Variants in NCALD observed in about 807,000 individuals in gnomAD.
NCALD encodes the protein neurocalcin delta, also known as neurocalcin-delta.
A neutral mutation model predicts 18.6 loss-of-function variants in NCALD; 10 were observed. The observed-to-expected ratio is 0.54, with a 90% CI of 0.33 to 0.91. NCALD has a LOEUF of 0.91. Ranked by LOEUF, NCALD falls within the 40% of genes least tolerant of loss-of-function variation. NCALD has a pLI of 0.03. For missense variants in NCALD, 184 were observed against 247.6 expected (o/e 0.74, Z 1.72); for synonymous variants, 88 against 87.4 (o/e 1.01, Z -0.04).
intron 2 of NCALD, among the ~76,000 whole-genome samples, chr8:102,017,384 T>C (rs1822121638): frequency 6.6e-6 from 1 of 152,220 alleles, no homozygotes; most frequent in Admixed American, 6.5e-5. Flanking sequence ...CTTTGCATCC[T>C]TCATTTTAGC....
intron 1 of NCALD, among the ~76,000 whole-genome samples, chr8:101,774,583 A>G (rs1811714785): frequency 6.6e-6 from 1 of 152,264 alleles, no homozygotes; most frequent in East Asian, 1.9e-4. Context: ...AGCAAAAGAA[A>G]GAGACATATT....
intron 4 of NCALD, among the ~76,000 whole-genome samples, chr8:101,829,974 G>GTT (rs35295834): frequency 0.11 from 12,640 of 115,936 alleles, 890 homozygotes; most frequent in African/African-American, 0.18. Context: ...AGTCACATGG[G>GTT]TTTTTTTTTT....
At chr8:102,045,440 T>C (rs1177958804) in intron 1 of NCALD, among the ~76,000 whole-genome samples, 1 of 152,236 alleles carries the variant, frequency 6.6e-6, no homozygotes, top group Non-Finnish European at 1.5e-5. Context: ...TTACATTTTA[T>C]TCTTTATTAC....
chr8:101,766,069 C>G (rs925630155), intron 1 of NCALD, among the ~76,000 whole-genome samples: 3 of 152,162 alleles, frequency 2.0e-5, no homozygotes, highest in Non-Finnish European at 4.4e-5. Context: ...CGCAACCCAC[C>G]AACATCTCCT....
At chr8:101,888,626 A>G (rs1487978103) in intron 3 of NCALD, among the ~76,000 whole-genome samples, 3 of 151,778 alleles carry the variant, frequency 2.0e-5, no homozygotes, top group Non-Finnish European at 4.4e-5. Flanking sequence ...TATGTTGCCC[A>G]GGCTGGTCTC....
intron 2 of NCALD, among the ~76,000 whole-genome samples, chr8:101,919,865 T>A (rs1469146303): frequency 6.6e-6 from 1 of 152,146 alleles, no homozygotes; most frequent in Non-Finnish European, 1.5e-5. Flanking sequence ...TGGCTATTAT[T>A]AAGAAGTCAA....
chr8:102,025,589 C>A (rs1177451099), intron 1 of NCALD, among the ~76,000 whole-genome samples: 1 of 152,200 alleles, frequency 6.6e-6, no homozygotes, highest in African/African-American at 2.4e-5. Context: ...AAGTCCACTG[C>A]CTCCCTTGCA....
At chr8:101,840,966 AATTT>A (rs1814620949) in intron 4 of NCALD, among the ~76,000 whole-genome samples, 2 of 152,214 alleles carry the variant, frequency 1.3e-5, no homozygotes, top group Non-Finnish European at 2.9e-5. Flanking sequence ...AAAAAGCTTT[AATTT>A]AACACGGTGA....
upstream of NCALD, among the ~76,000 whole-genome samples, chr8:101,792,234 C>G (rs372981561): frequency 6.6e-6 from 1 of 152,046 alleles, no homozygotes; most frequent in South Asian, 2.1e-4. Context: ...TAAATGGAAC[C>G]TAAGTCAGCC....
At chr8:102,030,520 G>C (rs114716498) in intron 1 of NCALD, among the ~76,000 whole-genome samples, 220 of 152,298 alleles carry the variant, frequency 1.4e-3, no homozygotes, top group African/African-American at 5.1e-3. Flanking sequence ...ATTTTGAAAC[G>C]TGGTCGATAA....
chr8:101,868,593 A>G (rs568696319), intron 4 of NCALD, among the ~76,000 whole-genome samples: 1 of 152,266 alleles, frequency 6.6e-6, no homozygotes, highest in East Asian at 1.9e-4. Flanking sequence ...TTTGCATAGG[A>G]GCATAATTTT....
intron 2 of NCALD, among the ~76,000 whole-genome samples, chr8:101,916,160 G>A (rs924570819): frequency 2.6e-5 from 4 of 152,020 alleles, no homozygotes; most frequent in Non-Finnish European, 5.9e-5. Flanking sequence ...GTTAAGTGAA[G>A]GAATACTCAA....
intron 2 of NCALD, among the ~76,000 whole-genome samples, chr8:102,005,062 G>A (rs552642050): frequency 2.7e-4 from 41 of 152,304 alleles, no homozygotes; most frequent in African/African-American, 8.9e-4. Context: ...CTTCTGCACA[G>A]CCAAAGAAAT....
intron 1 of NCALD, among the ~76,000 whole-genome samples, chr8:102,089,398 GA>G (rs575186551): frequency 1.1e-3 from 138 of 124,562 alleles, no homozygotes; most frequent in Middle Eastern, 4.0e-3. Context: ...AGTCTCAAAG[GA>G]AAAAAAAAAA....
At chr8:101,993,528 G>A (rs929209617) in intron 2 of NCALD, among the ~76,000 whole-genome samples, 1 of 152,188 alleles carries the variant, frequency 6.6e-6, no homozygotes, top group African/African-American at 2.4e-5. Flanking sequence ...GTAACACTGG[G>A]TGGGAAACTA....
At chr8:101,894,812 GGAA>G (rs1344165731) in intron 3 of NCALD, among the ~76,000 whole-genome samples, 3 of 149,708 alleles carry the variant, frequency 2.0e-5, no homozygotes, top group Non-Finnish European at 4.4e-5. Context: ...GACTAAACCA[GGAA>G]GAAGTTGAAT....
chr8:102,009,635 T>C (rs756068267), intron 2 of NCALD, among the ~76,000 whole-genome samples: 4 of 152,256 alleles, frequency 2.6e-5, no homozygotes, highest in South Asian at 4.1e-4. Flanking sequence ...TAAAAGATTA[T>C]GCTTAAGAGA....
At chr8:102,022,207 C>G (rs940998861) in intron 1 of NCALD, among the ~76,000 whole-genome samples, 4 of 152,128 alleles carry the variant, frequency 2.6e-5, no homozygotes, top group African/African-American at 9.7e-5. Flanking sequence ...GGATCCAGAA[C>G]AGTATGGAAA....
At chr8:101,987,338 C>A (rs1170735394) in intron 2 of NCALD, among the ~76,000 whole-genome samples, 1 of 152,184 alleles carries the variant, frequency 6.6e-6, no homozygotes, top group Non-Finnish European at 1.5e-5. Context: ...AATTGCCAGA[C>A]ATTTTCTTCT....
Sources: gnomAD v4.1 joint callset for allele counts (sites outside exome capture counted in the v4.1 genomes callset) on GRCh38, gnomAD v4.1.1 for gene constraint, MANE v1.5 for transcripts, NCBI Gene and HGNC (gene_info 2026-07-23, HGNC 2026-07-21) for gene names.